The following SCLT1 variants were observed in gnomAD, a reference collection of about 807,000 sequenced individuals.
The protein encoded by SCLT1 is sodium channel-associated protein 1.
In SCLT1, 78 loss-of-function variants were observed where a neutral mutation model predicts 112.8. The observed-to-expected ratio is 0.69, with a 90% CI of 0.58 to 0.83. The LOEUF (loss-of-function observed/expected upper bound fraction) is 0.83, where lower values mean the gene tolerates loss of function less well. SCLT1 is among the 40% of genes least tolerant of loss of function. SCLT1 has a pLI of 0.00. For synonymous variants in SCLT1, 257 were observed against 254.7 expected (o/e 1.01, Z -0.09); for missense variants, 747 against 770.4 (o/e 0.97, Z 0.36).
At chr4:129,004,525 A>G (rs1224577289) in intron 5 of SCLT1, among the ~76,000 whole-genome samples, 1 of 152,218 alleles carries the variant, frequency 6.6e-6, no homozygotes. Context: ...GGAAGGTACA[A>G]CTTAAAAGAA....
At chr4:129,080,173 G>A (rs893474312) in intron 2 of SCLT1, among the ~76,000 whole-genome samples, 1 of 152,208 alleles carries the variant, frequency 6.6e-6, no homozygotes, top group Non-Finnish European at 1.5e-5. Flanking sequence ...CATCTTTATT[G>A]TCTTGGGCAT....
At chr4:129,064,098 C>T (rs2125738534) in intron 2 of SCLT1, among the ~76,000 whole-genome samples, 2 of 152,298 alleles carry the variant, frequency 1.3e-5, no homozygotes, top group Non-Finnish European at 2.9e-5. Context: ...GGGGAGATGA[C>T]AGTAGATAAC....
intron 9 of SCLT1, among the ~76,000 whole-genome samples, chr4:128,982,743 C>T (rs1458409211): frequency 1.3e-5 from 2 of 152,114 alleles, no homozygotes; most frequent in Non-Finnish European, 2.9e-5. Context: ...CTCAGGTGAT[C>T]CACCCGCCTT....
intron 12 of SCLT1, 117 bp from the exon 13 acceptor site, chr4:128,957,241 T>C (rs1739298303): frequency 5.3e-6 from 3 of 561,628 alleles, no homozygotes; most frequent in Non-Finnish European, 9.4e-6. Flanking sequence ...CATCTCTACT[T>C]GAATATCATG....
chr4:129,093,153 AAGAC>A lies in SCLT1; in HGVS notation c.-54_-51del. The A allele has an allele frequency of 6.3e-7, 1 of 1,575,272 alleles. No individual in the cohort carries two copies. Among genetic ancestry groups the A allele is most frequent in the Non-Finnish European group, 8.7e-7 (1 of 1,144,768 alleles). On this transcript the variant is annotated 5_prime_UTR_variant, in exon 1 of 21. Transcript: ENST00000281142. ...TTTCACCACCTTTACCTTCCTCTGA[AAGAC>A]AGAGAGCTTGCTGTGCGGGAAAACA...
At chr4:128,952,137 T>G (rs920614058) in intron 14 of SCLT1, among the ~76,000 whole-genome samples, 1 of 152,176 alleles carries the variant, frequency 6.6e-6, no homozygotes, top group Non-Finnish European at 1.5e-5. Context: ...ACCTAAAGCA[T>G]GATAGTTATT....
intron 5 of SCLT1, among the ~76,000 whole-genome samples, chr4:129,022,111 A>AC (rs200718112): frequency 0.018 from 2,773 of 151,716 alleles, 34 homozygotes; most frequent in Non-Finnish European, 0.029. Flanking sequence ...AACATAAAAG[A>AC]CCCCCCCACA....
At chr4:129,036,469 T>C (rs541491005) in intron 5 of SCLT1, 16 of 152,182 alleles carry the variant, frequency 1.1e-4, no homozygotes, top group African/African-American at 3.9e-4. Flanking sequence ...TATAATATTC[T>C]TTACTAGGAA....
intron 12 of SCLT1, among the ~76,000 whole-genome samples, chr4:128,957,365 T>A (rs1351220551): frequency 6.6e-6 from 1 of 152,162 alleles, no homozygotes; most frequent in African/African-American, 2.4e-5. Flanking sequence ...ACCCTTCTAA[T>A]CTCTACAGCC....
In SCLT1 at chr4:128,963,591, C is replaced by A. The variant is rs544112223; in HGVS notation, c.869+1636G>T. On this transcript the variant is annotated intron_variant, in intron 11 of 20. Transcript: ENST00000281142. ...GGGCATATCTCAACTATCTCTTAGA[C>A]CTTTTTCTACTACTCCTGTTCAATA... is the stretch of plus-strand genomic sequence containing the variant. Among the ~76,000 whole-genome samples, 8 of 152,266 alleles carry A rather than the reference C, an allele frequency of 5.3e-5. No individual in the cohort carries two copies. The East Asian group carries it at 1.4e-3, about 26-fold the overall frequency.
At chr4:129,005,406 C>A (rs1261964991) in intron 5 of SCLT1, among the ~76,000 whole-genome samples, 22 of 152,058 alleles carry the variant, frequency 1.4e-4, no homozygotes, top group Non-Finnish European at 2.2e-4. Context: ...CCAAAAGACA[C>A]ATGAAAAAAT....
In SCLT1 at chr4:128,991,706, T is replaced by C. The variant is rs148336149; in HGVS notation, c.686+461A>G. Among the ~76,000 whole-genome samples, 1,030 of 151,772 alleles carry C rather than the reference T, an allele frequency of 6.8e-3. 8 individuals are homozygous for C. The highest frequency in any genetic ancestry group is 0.011 in the Non-Finnish European group (720 of 67,686). ...AGAAGACATACAAATAAATGGACAA[T>C]AGGTATATGAAAAAATGCTCAGATG... On this transcript the variant is annotated intron_variant, in intron 9 of 20. Transcript: ENST00000281142.
At chr4:128,874,731 G>GTTT (rs994753082) in intron 4 of SCLT1, 1 of 151,276 alleles carries the variant, frequency 6.6e-6, no homozygotes, top group African/African-American at 2.5e-5. Flanking sequence ...ATTTGCATTT[G>GTTT]TTTTTTTTAA....
At chr4:129,051,379 G>C (rs994457845) in intron 2 of SCLT1, among the ~76,000 whole-genome samples, 1 of 152,120 alleles carries the variant, frequency 6.6e-6, no homozygotes, top group African/African-American at 2.4e-5. Flanking sequence ...TTTTCCATTG[G>C]TTTGTGTCCT....
rs141073065 is a variant in SCLT1, at chr4:129,089,832, G to A, written c.34+3238C>T. Among the ~76,000 whole-genome samples, 711 of 151,488 alleles carry A rather than the reference G, an allele frequency of 4.7e-3. 4 individuals carry two copies. Among genetic ancestry groups the A allele is most frequent in the African/African-American group, 0.016 (653 of 41,384 alleles). ...GAACAAGGAGAACACGTGGACACAGGGAGGGGAACACCACACACCGGGGCC... is the reference window on the plus strand; with the variant it reads ...GAACAAGGAGAACACGTGGACACAGAGAGGGGAACACCACACACCGGGGCC... On this transcript the variant is annotated intron_variant, in intron 1 of 20. Transcript: ENST00000281142.
rs1451306232 is a variant in SCLT1 at position 128,945,710 on chromosome 4, G to A, written c.1439+297C>T. ...GTACAGGTAGTATAAAAGAATATAA[G>A]CAAGCTACTATAATAGCTGCACAAT... is the stretch of plus-strand genomic sequence containing the variant. On this transcript the variant is annotated intron_variant, in intron 16 of 20. Coordinates refer to ENST00000281142, the MANE Select transcript of SCLT1 (RefSeq NM_144643.4). Among the ~76,000 whole-genome samples the A allele has an allele frequency of 1.3e-5, 2 of 151,972 alleles. 1 individual carries two copies. Among genetic ancestry groups the A allele is most frequent in the East Asian group, 3.8e-4 (2 of 5,196 alleles).
At position 128,970,814 on chromosome 4, in the gene SCLT1, T is replaced by C. The variant is rs1740626791; in HGVS notation, c.687-346A>G. 2.3e-5 allele frequency: 4 copies of C among 177,706 alleles called. No homozygotes were observed. The South Asian group carries it at 5.4e-4, about 24-fold the overall frequency. The allele number at this position is 177,706 out of a possible 1,614,324, so 11.0% of individuals were successfully genotyped here. On this transcript the variant is annotated intron_variant, in intron 9 of 20. Transcript: ENST00000281142. ...GAGCTCCAGTGCACTAAGAAGAATATACTTATGTCTATAATATCTTTATAG... is the reference window on the plus strand; with the variant it reads ...GAGCTCCAGTGCACTAAGAAGAATACACTTATGTCTATAATATCTTTATAG...
chr4:129,017,980 A>G (rs1011081297), intron 5 of SCLT1, among the ~76,000 whole-genome samples: 1 of 152,230 alleles, frequency 6.6e-6, no homozygotes, highest in African/African-American at 2.4e-5. Context: ...GGAAGCAGCT[A>G]TATCTACTGC....
At chr4:128,973,499 A>G (rs1740880853) in intron 9 of SCLT1, among the ~76,000 whole-genome samples, 1 of 151,008 alleles carries the variant, frequency 6.6e-6, no homozygotes, top group Non-Finnish European at 1.5e-5. Context: ...GGAGAGGGAA[A>G]GAGAGGGAGA....
Sources: gnomAD v4.1 joint callset for allele counts (sites outside exome capture counted in the v4.1 genomes callset) on GRCh38, gnomAD v4.1.1 for gene constraint, MANE v1.5 for transcripts, NCBI Gene and HGNC (gene_info 2026-07-23, HGNC 2026-07-21) for gene names.